The following C17orf99 variants were observed in gnomAD, a reference collection of about 807,000 sequenced individuals.
The protein encoded by C17orf99 is protein IL-40.
C17orf99 carries 18 observed loss-of-function variants against 22.6 expected under a neutral mutation model. The ratio of observed to expected loss-of-function variants is 0.80; its 90% CI spans 0.55 to 1.18. The LOEUF is 1.18. C17orf99 is among the 50% of genes most tolerant of loss of function. The pLI, the probability that C17orf99 is intolerant of heterozygous loss-of-function variation, is 0.00. For missense variants in C17orf99, 328 were observed against 342.7 expected, an observed-to-expected ratio of 0.96 and a Z score of 0.34; for synonymous variants, 147 against 136.6, an observed-to-expected ratio of 1.08 and a Z score of -0.53.
Position 78,146,403 on chromosome 17 carries a change from G to A in C17orf99, c.-5G>A, listed in dbSNP as rs530038219. 4 of 1,549,780 alleles carry A rather than the reference G, an allele frequency of 2.6e-6. No homozygotes were observed. Among genetic ancestry groups the A allele is most frequent in the South Asian group, 2.4e-5 (2 of 84,030 alleles). The stretch of plus-strand genomic sequence containing the variant: ...CCCGAGCAGAGGCCCTACACCCACC[G>A]AGGCATGGGGCTCCCTGGGCTGTTC... On this transcript the variant is annotated 5_prime_UTR_variant, in exon 1 of 5. Coordinates refer to ENST00000340363, the MANE Select transcript of C17orf99 (RefSeq NM_001163075.2). The surrounding 1 kb of genome is among the most constrained non-coding windows in gnomAD (Gnocchi z 5.2).
At chr17:78,152,423 CT>C (rs2075491436) in intron 2 of C17orf99, among the ~76,000 whole-genome samples, 1 of 151,882 alleles carries the variant, frequency 6.6e-6, no homozygotes, top group African/African-American at 2.4e-5. Flanking sequence ...CAGCCTCCAC[CT>C]TCCAGGTTCA....
At chr17:78,162,316 G>A (rs927432032) in intron 3 of C17orf99, among the ~76,000 whole-genome samples, 3 of 148,770 alleles carry the variant, frequency 2.0e-5, no homozygotes, top group African/African-American at 7.4e-5. Flanking sequence ...CACATGGCTG[G>A]CAAGTGGCCA....
At position 78,157,792 on chromosome 17, in the gene C17orf99, G is replaced by C. The variant is rs1421172094; in HGVS notation, c.71-3163G>C. On this transcript the variant is annotated intron_variant, in intron 2 of 4. Transcript: ENST00000340363. ...AGCCTGGGCGACAGAGCGTGACTCT[G>C]TCTCGGAAAAAAAAAAAAAAAAAAA... 7.8e-6 allele frequency: 5 copies of C among 637,030 alleles called. No individual in the cohort carries two copies. In the Admixed American group the frequency reaches 1.3e-4, roughly 16 times the overall value. 39.5% of individuals were successfully genotyped at this position (637,030 alleles called of 1,614,324 possible).
intron 2 of C17orf99, chr17:78,159,989 T>G (rs984404957): frequency 5.8e-5 from 26 of 445,540 alleles, no homozygotes; most frequent in Non-Finnish European, 1.2e-4. Context: ...TTGGGCCGTT[T>G]CCACCATTTG....
chr17:78,159,778 G>A (rs2075558721), intron 2 of C17orf99, among the ~76,000 whole-genome samples: 1 of 151,868 alleles, frequency 6.6e-6, no homozygotes, highest in African/African-American at 2.4e-5. Flanking sequence ...CTGTCTCTGT[G>A]GGTTCTCCTG....
intron 2 of C17orf99, among the ~76,000 whole-genome samples, chr17:78,149,809 A>G (rs2075465957): frequency 6.6e-6 from 1 of 151,758 alleles, no homozygotes; most frequent in Non-Finnish European, 1.5e-5. Flanking sequence ...TCCCAGGTTC[A>G]AGGGATTCTC....
chr17:78,161,507 C>G (rs2075576392), intron 3 of C17orf99, among the ~76,000 whole-genome samples: 1 of 152,096 alleles, frequency 6.6e-6, no homozygotes, highest in Non-Finnish European at 1.5e-5. Flanking sequence ...GGGAAAGAGC[C>G]CGATGGTGGC....
intron 2 of C17orf99, among the ~76,000 whole-genome samples, chr17:78,155,141 T>G (rs4360994): frequency 0.26 from 39,880 of 151,028 alleles, 5,883 homozygotes; most frequent in Middle Eastern, 0.46. Context: ...TTTTTTTTTT[T>G]TTGTGGAGAT....
intron 2 of C17orf99, among the ~76,000 whole-genome samples, chr17:78,150,862 G>A (rs1422994941): frequency 5.3e-5 from 8 of 152,322 alleles, no homozygotes; most frequent in East Asian, 1.9e-4. Context: ...AGTGGCTCAC[G>A]TCTGTAATCG....
chr17:78,152,441 C>T (rs576192321), intron 2 of C17orf99, among the ~76,000 whole-genome samples: 2 of 151,640 alleles, frequency 1.3e-5, no homozygotes, highest in South Asian at 2.1e-4. Flanking sequence ...TTCAAGAGAT[C>T]CTCCCACCTC....
In C17orf99 at chr17:78,166,126, A is replaced by G. The variant is rs962547205; in HGVS notation, c.*80A>G. 4 of 418,418 alleles carry G rather than the reference A, an allele frequency of 9.6e-6. No individual in the cohort carries two copies. Among genetic ancestry groups the G allele is most frequent in the Non-Finnish European group, 1.7e-5 (4 of 240,156 alleles). The allele number at this position is 418,418 out of a possible 1,614,324, so 25.9% of individuals were successfully genotyped here. A position where few individuals can be genotyped will look rare whatever the true frequency, so the allele number is the denominator to read the frequency against. On this transcript the variant is annotated 3_prime_UTR_variant, in exon 5 of 5. Coordinates refer to ENST00000340363, the MANE Select transcript of C17orf99 (RefSeq NM_001163075.2). ...ACTGTTCGTATTTGGAGTTCATGCA[A>G]AATGAGTGTGTTTTAGCTGCTCTTG... is the stretch of plus-strand genomic sequence containing the variant.
intron 4 of C17orf99, chr17:78,165,638 A>G: frequency 1.1e-6 from 1 of 912,278 alleles, no homozygotes; most frequent in Non-Finnish European, 1.3e-6. Context: ...CCCCGTCTCT[A>G]CTAAAAATAC....
chr17:78,159,320 G>C (rs1055983589), intron 2 of C17orf99, among the ~76,000 whole-genome samples: 2 of 151,948 alleles, frequency 1.3e-5, no homozygotes, highest in Non-Finnish European at 2.9e-5. Flanking sequence ...CTGGACGACA[G>C]AGCAAGACTC....
chr17:78,158,239 C>T (rs2075543845), intron 2 of C17orf99: 15 of 580,238 alleles, frequency 2.6e-5, no homozygotes, highest in South Asian at 2.1e-4. Context: ...TCCCAAGAGG[C>T]CCCCTCCCCC....
At chr17:78,150,888 C>T (rs890591924) in intron 2 of C17orf99, among the ~76,000 whole-genome samples, 10 of 152,102 alleles carry the variant, frequency 6.6e-5, no homozygotes, top group Admixed American at 3.3e-4. Context: ...TTTGGGAGGC[C>T]GAGGTAGGCG....
chr17:78,158,052 A>G (rs2075542223), intron 2 of C17orf99: 5 of 1,335,746 alleles, frequency 3.7e-6, no homozygotes, highest in South Asian at 1.2e-5. Context: ...TCACTGCTCC[A>G]GGACAGCATG....
At chr17:78,152,370 T>C (rs922845170) in intron 2 of C17orf99, among the ~76,000 whole-genome samples, 1 of 151,408 alleles carries the variant, frequency 6.6e-6, no homozygotes, top group Admixed American at 6.6e-5. Context: ...GGTCTCACTT[T>C]GTCACCCAGG....
chr17:78,146,510 G>A lies in C17orf99; in HGVS notation c.37+66G>A. 3 of 1,435,508 alleles carry A rather than the reference G, an allele frequency of 2.1e-6. 1 individual carries two copies. The highest frequency in any genetic ancestry group is 2.9e-6 in the Non-Finnish European group (3 of 1,047,078). 88.9% of individuals were successfully genotyped at this position (1,435,508 alleles called of 1,614,324 possible). On this transcript the variant is annotated intron_variant, in intron 1 of 4. Transcript: ENST00000340363. This position sits in a 1 kb window ranked among gnomAD's most constrained non-coding sequence, Gnocchi z 5.2. ...GCCTTGAGGTCTTGGGCTCAGGTGG[G>A]GGTACTGGGAGCACAGGAGAGATGA... is the stretch of plus-strand genomic sequence containing the variant.
chr17:78,153,079 T>C (rs2075497565), intron 2 of C17orf99, among the ~76,000 whole-genome samples: 1 of 110,896 alleles, frequency 9.0e-6, no homozygotes, highest in Non-Finnish European at 1.6e-5. Flanking sequence ...AGAGCCTGTC[T>C]CAAAGAAAAA....
Sources: allele counts gnomAD v4.1 joint callset (sites outside exome capture counted in the v4.1 genomes callset), GRCh38; gene constraint gnomAD v4.1.1; non-coding constraint Gnocchi (gnomAD v3.1); transcripts MANE v1.5; gene names NCBI Gene and HGNC (gene_info 2026-07-23, HGNC 2026-07-21).